Variants in TJP1 observed in about 807,000 individuals in gnomAD.
TJP1 encodes the protein tight junction protein ZO-1.
TJP1 carries 43 observed loss-of-function variants against 194.2 expected under a neutral mutation model. That is an observed-to-expected ratio of 0.22 (90% CI 0.17 to 0.29). The LOEUF (loss-of-function observed/expected upper bound fraction) is 0.29, where lower values mean the gene tolerates loss of function less well. TJP1 is among the 10% of genes least tolerant of loss of function. TJP1 has a pLI of 1.00. For missense variants in TJP1, 1,971 were observed against 2,185.7 expected (o/e 0.90, Z 1.96); for synonymous variants, 801 against 779.0 (o/e 1.03, Z -0.47).
At chr15:29,960,907 A>G (rs2056131851) in intron 1 of TJP1, among the ~76,000 whole-genome samples, 1 of 152,208 alleles carries the variant, frequency 6.6e-6, no homozygotes, top group African/African-American at 2.4e-5. Context: ...GATCTAGATA[A>G]TAATGCAGAA....
intron 3 of TJP1, 75 bp downstream of exon 3, chr15:29,773,158 G>GT (rs1233922703): frequency 6.4e-7 from 1 of 1,564,406 alleles, no homozygotes; most frequent in Non-Finnish European, 8.7e-7. Context: ...CTAAGACAGT[G>GT]TAAGACAGTA....
At chr15:29,782,839 AG>A (rs2047448871) in intron 2 of TJP1, among the ~76,000 whole-genome samples, 1 of 68,536 alleles carries the variant, frequency 1.5e-5, no homozygotes, top group Non-Finnish European at 3.5e-5. Context: ...CAATTTTACA[AG>A]AAAAAAAACA....
intron 2 of TJP1, among the ~76,000 whole-genome samples, chr15:29,773,686 GATC>G (rs2046833599): frequency 2.0e-5 from 3 of 152,346 alleles, no homozygotes; most frequent in Admixed American, 6.5e-5. Context: ...AGCCCAGTGT[GATC>G]ATCAGCCATC....
At chr15:29,850,001 G>A (rs547101106) in intron 2 of TJP1, among the ~76,000 whole-genome samples, 5 of 152,276 alleles carry the variant, frequency 3.3e-5, no homozygotes, top group Admixed American at 1.3e-4. Context: ...AAAGCCAGAT[G>A]CTCTGTCATG....
At chr15:29,742,442 GAAAGTAAAGGAAAACATTC>G (rs2044485274) in intron 9 of TJP1, among the ~76,000 whole-genome samples, 181 bp downstream of exon 9, 1 of 152,084 alleles carries the variant, frequency 6.6e-6, no homozygotes, top group Non-Finnish European at 1.5e-5. Context: ...TTTCTATCTA[GAAAGTAAAGGAAAACATTC>G]ATGAAAGGCA....
At chr15:29,869,144 C>T (rs1023751394) in intron 2 of TJP1, among the ~76,000 whole-genome samples, 3 of 152,152 alleles carry the variant, frequency 2.0e-5, no homozygotes, top group Non-Finnish European at 4.4e-5. Flanking sequence ...AAATTAATTT[C>T]AGATGAATCA....
At chr15:29,838,610 GTC>G (rs1555434890) in intron 2 of TJP1, among the ~76,000 whole-genome samples, 34 of 47,308 alleles carry the variant, frequency 7.2e-4, no homozygotes, top group East Asian at 2.0e-3. Context: ...TACTCTGTGT[GTC>G]TGTGTGTGTG....
intron 8 of TJP1, among the ~76,000 whole-genome samples, chr15:29,750,603 C>G (rs780744172): frequency 6.6e-6 from 1 of 152,118 alleles, no homozygotes; most frequent in Non-Finnish European, 1.5e-5. Context: ...TTTCATAGCC[C>G]TTTCCCTCTT....
chr15:29,934,352 C>T (rs958736587), intron 2 of TJP1, among the ~76,000 whole-genome samples: 1 of 152,174 alleles, frequency 6.6e-6, no homozygotes, highest in Non-Finnish European at 1.5e-5. Context: ...AAGAGCAAAA[C>T]AATTCACGGT....
intron 2 of TJP1, among the ~76,000 whole-genome samples, chr15:29,786,278 T>C (rs930646883): frequency 5.9e-5 from 9 of 152,206 alleles, no homozygotes; most frequent in Non-Finnish European, 1.3e-4. Context: ...CTGTTCCATT[T>C]TCTTATTTCC....
intron 2 of TJP1, 62 bp from the exon 3 acceptor site, chr15:29,773,419 T>C (rs2046816105): frequency 2.6e-6 from 4 of 1,537,564 alleles, no homozygotes; most frequent in Non-Finnish European, 3.6e-6. Flanking sequence ...TATATCATAC[T>C]CTACAATCTA....
intron 2 of TJP1, among the ~76,000 whole-genome samples, chr15:29,953,543 C>T (rs1268496572): frequency 1.3e-5 from 2 of 152,134 alleles, no homozygotes; most frequent in African/African-American, 2.4e-5. Context: ...GTATTAATTG[C>T]CATATCTTAT....
At chr15:29,965,431 C>T (rs56859685) in intron 1 of TJP1, among the ~76,000 whole-genome samples, 33,607 of 151,902 alleles carry the variant, frequency 0.22, 3,931 homozygotes, top group East Asian at 0.39. Flanking sequence ...AGGCTGGTAT[C>T]GACCTCCTGA....
At chr15:29,932,958 AAAT>A (rs777649183) in intron 2 of TJP1, among the ~76,000 whole-genome samples, 3 of 152,226 alleles carry the variant, frequency 2.0e-5, no homozygotes, top group Non-Finnish European at 4.4e-5. Flanking sequence ...TATGATTATA[AAAT>A]AATGTGTAAC....
intron 10 of TJP1, among the ~76,000 whole-genome samples, chr15:29,740,738 T>G (rs1042951956): frequency 6.6e-5 from 10 of 152,298 alleles, no homozygotes; most frequent in African/African-American, 1.9e-4. Flanking sequence ...TAATGTAAAG[T>G]AATGAAAGGT....
At chr15:29,704,094 T>A in intron 27 of TJP1, 68 bp downstream of exon 27, 1 of 1,464,320 alleles carries the variant, frequency 6.8e-7, no homozygotes, top group East Asian at 2.5e-5. Context: ...ATGGGCAGCA[T>A]CATCAGCCCA....
chr15:29,822,331 G>C lies in TJP1; in HGVS notation c.-303C>G. 3.2e-5 allele frequency: 34 copies of C among 1,078,166 alleles called. No homozygotes were observed. The highest frequency in any genetic ancestry group is 3.8e-5 in the Non-Finnish European group (34 of 889,446). 66.8% of individuals were successfully genotyped at this position (1,078,166 alleles called of 1,614,324 possible). A position where few individuals can be genotyped will look rare whatever the true frequency, so the allele number is the denominator to read the frequency against. ...CCGGCCACGTCGGCCTCGCCCGGTC[G>C]CCCGCCCGTCAGCAGCACCCGTGGC... On this transcript the variant is annotated 5_prime_UTR_variant, in exon 1 of 28. Coordinates refer to ENST00000614355, the MANE Select transcript of TJP1 (RefSeq NM_001330239.4).
chr15:29,871,715 A>G (rs973535897), intron 2 of TJP1, among the ~76,000 whole-genome samples: 1 of 152,242 alleles, frequency 6.6e-6, no homozygotes, highest in African/African-American at 2.4e-5. Flanking sequence ...CCCTAACGTC[A>G]TCGGACTGCA....
At chr15:29,854,063 A>ATGGCCAGTCTC (rs2051750632) in intron 2 of TJP1, among the ~76,000 whole-genome samples, 1 of 152,238 alleles carries the variant, frequency 6.6e-6, no homozygotes. Context: ...CAAAAATAAC[A>ATGGCCAGTCTC]TGGCCAGTCT....
Sources: allele counts gnomAD v4.1 joint callset (sites outside exome capture counted in the v4.1 genomes callset), GRCh38; gene constraint gnomAD v4.1.1; transcripts MANE v1.5; gene names NCBI Gene and HGNC (gene_info 2026-07-23, HGNC 2026-07-21).